SULF1: variants seen among roughly 807,000 people sequenced by gnomAD.
The protein encoded by SULF1 is sulfatase 1.
SULF1 carries 46 observed loss-of-function variants against 110.5 expected under a neutral mutation model. The observed-to-expected ratio is 0.42, with a 90% CI of 0.33 to 0.53. The LOEUF is 0.53. Among genes scored for constraint, SULF1 ranks in the 20% least tolerant of loss-of-function variants. The pLI is 0.12. For missense variants in SULF1, 941 were observed against 1,094.2 expected (o/e 0.86, Z 1.98); for synonymous variants, 371 against 387.1 (o/e 0.96, Z 0.49).
At chr8:69,627,994 T>G (rs1055520628) in intron 17 of SULF1, 128 bp downstream of exon 17, 4 of 895,114 alleles carry the variant, frequency 4.5e-6, no homozygotes, top group African/African-American at 1.7e-5. Context: ...TAACCTAAGC[T>G]ATTTAAGTAA....
chr8:69,590,008 G>A lies in SULF1; in HGVS notation c.734+867G>A, dbSNP rs549937313. ...CTATATTGTGAAACCTCCAAAATTG[G>A]TTCTTAATCTATTTGTACTTAAATA... On this transcript the variant is annotated intron_variant, in intron 8 of 22. Transcript: ENST00000402687. 6.8e-4 allele frequency among the ~76,000 whole-genome samples: 103 copies of A among 152,112 alleles called. 1 individual carries two copies. Among genetic ancestry groups the A allele is most frequent in the Non-Finnish European group, 2.6e-4 (18 of 68,030 alleles).
intron 2 of SULF1, among the ~76,000 whole-genome samples, chr8:69,500,075 A>G (rs1468212875): frequency 6.6e-6 from 1 of 152,256 alleles, no homozygotes; most frequent in Non-Finnish European, 1.5e-5. Context: ...TTTAATGATG[A>G]GAAATCAAAG....
intron 22 of SULF1, among the ~76,000 whole-genome samples, chr8:69,650,982 C>T (rs1300481211): frequency 1.3e-5 from 2 of 151,796 alleles, no homozygotes. Flanking sequence ...GGTGTCTTGG[C>T]ATATAGATCC....
intron 3 of SULF1, among the ~76,000 whole-genome samples, chr8:69,508,845 G>A (rs1352777128): frequency 1.3e-5 from 2 of 152,154 alleles, no homozygotes; most frequent in African/African-American, 2.4e-5. Flanking sequence ...GTGGCCATAG[G>A]AGAAAGGTTA....
intron 2 of SULF1, among the ~76,000 whole-genome samples, chr8:69,496,923 A>G (rs1810401872): frequency 1.3e-5 from 2 of 152,080 alleles, no homozygotes; most frequent in South Asian, 2.1e-4. Context: ...AAGCTCCTCA[A>G]CTTTCTCTTG....
chr8:69,546,972 A>T (rs1283114569), intron 3 of SULF1, among the ~76,000 whole-genome samples: 2 of 152,228 alleles, frequency 1.3e-5, no homozygotes, highest in African/African-American at 2.4e-5. Context: ...AAACCAGTGC[A>T]GACACAGCTT....
intron 3 of SULF1, among the ~76,000 whole-genome samples, chr8:69,509,239 C>G (rs368941782): frequency 3.9e-5 from 6 of 152,298 alleles, no homozygotes; most frequent in African/African-American, 1.2e-4. Context: ...TTATTTCTCT[C>G]TCATTATCCT....
Position 69,638,018 on chromosome 8 carries a change from C to T in SULF1, c.2285-484C>T, listed in dbSNP as rs963462305. On this transcript the variant is annotated intron_variant, in intron 19 of 22. Transcript: ENST00000402687. Reference sequence around the variant, plus strand: ...CAAATCCTCCAGGCTGGGCTCAAGGCTTCTCTAAACCCTTCTTTGTTGCAA... The same window carrying T: ...CAAATCCTCCAGGCTGGGCTCAAGGTTTCTCTAAACCCTTCTTTGTTGCAA... 1.8e-5 allele frequency: 3 copies of T among 165,632 alleles called. 1 individual carries two copies. In the South Asian group the frequency reaches 5.4e-4, roughly 30 times the overall value. 10.3% of individuals were successfully genotyped at this position (165,632 alleles called of 1,614,324 possible). A position where few individuals can be genotyped will look rare whatever the true frequency, so the allele number is the denominator to read the frequency against.
intron 13 of SULF1, among the ~76,000 whole-genome samples, chr8:69,612,301 T>C (rs981882735): frequency 7.2e-5 from 11 of 152,206 alleles, no homozygotes; most frequent in Non-Finnish European, 1.5e-5. Flanking sequence ...CTAATTGTGC[T>C]GCTATAAACA....
In SULF1 at chr8:69,560,717, C is replaced by A. The variant is rs142146538; in HGVS notation, c.-133-2822C>A. 8.4e-3 allele frequency among the ~76,000 whole-genome samples: 1,285 copies of A among 152,312 alleles called. 7 individuals are homozygous for A. Among genetic ancestry groups the A allele is most frequent in the Non-Finnish European group, 0.013 (892 of 68,020 alleles). ...AAGCTCCGCATTTTGTCTGTCAGGA[C>A]TTTTTTCCCTTCTTTACTTCTTTTC... On this transcript the variant is annotated intron_variant, in intron 3 of 22. Coordinates refer to ENST00000402687, the MANE Select transcript of SULF1 (RefSeq NM_001128205.2).
intron 6 of SULF1, among the ~76,000 whole-genome samples, chr8:69,579,545 T>TCACA (rs745559296): frequency 6.8e-5 from 9 of 131,808 alleles, no homozygotes; most frequent in African/African-American, 1.2e-4. Context: ...CAAGACTCTG[T>TCACA]CACACACACA....
chr8:69,656,818 A>C (rs977808111), intron 22 of SULF1, among the ~76,000 whole-genome samples: 1 of 152,226 alleles, frequency 6.6e-6, no homozygotes, highest in Non-Finnish European at 1.5e-5. Context: ...AATGATTTAT[A>C]TTCCTTTGAG....
Position 69,628,195 on chromosome 8 carries a change from A to G in SULF1, c.2067A>G (p.Val689=), listed in dbSNP as rs1177265543. ...GCTATTACAATAAAGAGAAAGGTGTAAAAAAGCAAGAGAAATTAAAGAGCC... is the reference window on the plus strand; with the variant it reads ...GCTATTACAATAAAGAGAAAGGTGTGAAAAAGCAAGAGAAATTAAAGAGCC... ...KQSYYNKEKG[V]KKQEKLKSHL... The change falls in exon 18 of 23, where the codon GTA becomes GTG. Residue 689 remains valine, a synonymous_variant. Coordinates refer to ENST00000402687, the MANE Select transcript of SULF1 (RefSeq NM_001128205.2). The G allele has an allele frequency of 6.2e-7, 1 of 1,613,828 alleles. No individual in the cohort carries two copies. Among genetic ancestry groups the G allele is most frequent in the Non-Finnish European group, 8.5e-7 (1 of 1,179,682 alleles).
intron 13 of SULF1, 44 bp downstream of exon 13, chr8:69,604,976 CAT>C: frequency 6.3e-7 from 1 of 1,598,634 alleles, no homozygotes; most frequent in Middle Eastern, 1.7e-4. Flanking sequence ...TGTGCTTCTC[CAT>C]CTCTAATTTA....
chr8:69,559,611 C>G (rs1174360133), intron 3 of SULF1, among the ~76,000 whole-genome samples: 1 of 152,186 alleles, frequency 6.6e-6, no homozygotes, highest in East Asian at 1.9e-4. Flanking sequence ...GAGAAAATGT[C>G]TGCCAAATAT....
At chr8:69,475,184 A>G (rs1809249590) in intron 1 of SULF1, among the ~76,000 whole-genome samples, 1 of 152,134 alleles carries the variant, frequency 6.6e-6, no homozygotes, top group South Asian at 2.1e-4. Context: ...CCTTGCTATA[A>G]TAAGCATTTC....
At chr8:69,593,845 T>C (rs1048351235) in intron 8 of SULF1, among the ~76,000 whole-genome samples, 4 of 152,180 alleles carry the variant, frequency 2.6e-5, no homozygotes, top group African/African-American at 9.6e-5. Context: ...AGAATCTCCA[T>C]AGGGATGCAA....
chr8:69,601,163 A>G (rs536267992), intron 9 of SULF1, among the ~76,000 whole-genome samples: 1 of 152,336 alleles, frequency 6.6e-6, no homozygotes, highest in East Asian at 1.9e-4. Context: ...AGGTCTTCTG[A>G]CTTTTTTAAA....
At chr8:69,552,841 G>A (rs1814826586) in intron 3 of SULF1, among the ~76,000 whole-genome samples, 1 of 152,196 alleles carries the variant, frequency 6.6e-6, no homozygotes, top group South Asian at 2.1e-4. Context: ...TATTTTGTGT[G>A]GCTCAGAAGA....
Sources: gnomAD v4.1 joint callset for allele counts (sites outside exome capture counted in the v4.1 genomes callset) on GRCh38, gnomAD v4.1.1 for gene constraint, MANE v1.5 for transcripts, NCBI Gene and HGNC (gene_info 2026-07-23, HGNC 2026-07-21) for gene names.